Variants in SORCS1 observed in about 807,000 individuals in gnomAD.
SORCS1 encodes the protein sortilin related VPS10 domain containing receptor 1, also known as VPS10 domain-containing receptor SorCS1.
A neutral mutation model predicts 146.1 loss-of-function variants in SORCS1; 60 were observed. The observed-to-expected ratio is 0.41, with a 90% CI of 0.33 to 0.51. The LOEUF is 0.51. SORCS1 is among the 20% of genes least tolerant of loss of function. The pLI is 0.21. For synonymous variants in SORCS1, 637 were observed against 584.0 expected, an observed-to-expected ratio of 1.09 and a Z score of -1.31; for missense variants, 1,352 against 1,487.6, an observed-to-expected ratio of 0.91 and a Z score of 1.50.
intron 5 of SORCS1, among the ~76,000 whole-genome samples, chr10:106,733,099 C>G (rs1409979908): frequency 7.4e-6 from 1 of 134,548 alleles, no homozygotes; most frequent in African/African-American, 2.9e-5. Flanking sequence ...CAAAGTGATA[C>G]TCCATTTCAA....
intron 1 of SORCS1, among the ~76,000 whole-genome samples, chr10:107,125,458 C>G (rs1966662302): frequency 6.6e-6 from 1 of 152,188 alleles, no homozygotes; most frequent in Non-Finnish European, 1.5e-5. Context: ...GGAAGGCTAT[C>G]TTAGAAATGT....
chr10:106,712,429 A>G (rs1348908246), intron 6 of SORCS1, among the ~76,000 whole-genome samples: 1 of 152,172 alleles, frequency 6.6e-6, no homozygotes, highest in Non-Finnish European at 1.5e-5. Context: ...GAACTTGGAT[A>G]AGAACTCGGA....
chr10:106,771,004 G>A (rs1413143686), intron 4 of SORCS1, among the ~76,000 whole-genome samples: 2 of 152,188 alleles, frequency 1.3e-5, no homozygotes, highest in African/African-American at 2.4e-5. Context: ...GGAGCTACCT[G>A]AAGAAGAGGT....
At chr10:107,134,519 G>A (rs1455821920) in intron 1 of SORCS1, among the ~76,000 whole-genome samples, 1 of 152,052 alleles carries the variant, frequency 6.6e-6, no homozygotes, top group Admixed American at 6.6e-5. Flanking sequence ...CGTGCCTATA[G>A]TCCCAGCTAC....
intron 2 of SORCS1, among the ~76,000 whole-genome samples, chr10:106,920,909 CT>C (rs964525153): frequency 2.0e-5 from 3 of 152,132 alleles, no homozygotes; most frequent in African/African-American, 7.2e-5. Context: ...ACCATGAGGC[CT>C]GCTTGTCCCT....
At chr10:107,039,695 T>C (rs1199776743) in intron 1 of SORCS1, among the ~76,000 whole-genome samples, 1 of 152,210 alleles carries the variant, frequency 6.6e-6, no homozygotes, top group Non-Finnish European at 1.5e-5. Context: ...ATCTGTTTTT[T>C]AAAGAGACTA....
At chr10:106,865,586 G>A (rs867952194) in intron 2 of SORCS1, among the ~76,000 whole-genome samples, 12 of 151,986 alleles carry the variant, frequency 7.9e-5, no homozygotes, top group East Asian at 7.8e-4. Flanking sequence ...TTAGCCAGGC[G>A]TGGCAGCGGG....
intron 1 of SORCS1, among the ~76,000 whole-genome samples, chr10:107,144,913 G>C (rs1968178852): frequency 6.6e-6 from 1 of 152,178 alleles, no homozygotes; most frequent in Non-Finnish European, 1.5e-5. Context: ...ACATCACGCT[G>C]TTAAAAAGGG....
chr10:107,083,423 G>A (rs1363868795), intron 1 of SORCS1, among the ~76,000 whole-genome samples: 1 of 151,956 alleles, frequency 6.6e-6, no homozygotes, highest in Non-Finnish European at 1.5e-5. Flanking sequence ...TTTATTGTCT[G>A]TTTGTATTGT....
chr10:106,963,466 G>A (rs1348087320), intron 1 of SORCS1, among the ~76,000 whole-genome samples: 1 of 152,082 alleles, frequency 6.6e-6, no homozygotes, highest in Non-Finnish European at 1.5e-5. Context: ...GGGAAAAGCA[G>A]CAAACTCACA....
intron 3 of SORCS1, among the ~76,000 whole-genome samples, chr10:106,794,348 T>A (rs1238034362): frequency 6.6e-6 from 1 of 152,122 alleles, no homozygotes; most frequent in Non-Finnish European, 1.5e-5. Context: ...GAAAAAAGCA[T>A]ACATTCTTAG....
intron 1 of SORCS1, among the ~76,000 whole-genome samples, chr10:107,124,576 C>T (rs1966596197): frequency 6.6e-6 from 1 of 152,076 alleles, no homozygotes; most frequent in Admixed American, 6.5e-5. Context: ...CAATTCTTCC[C>T]TGCAAACATT....
intron 1 of SORCS1, among the ~76,000 whole-genome samples, chr10:107,042,625 TTGAGACA>T (rs994263590): frequency 6.6e-6 from 1 of 151,810 alleles, no homozygotes; most frequent in Non-Finnish European, 1.5e-5. Context: ...TTTTTTTTTT[TTGAGACA>T]GAGTTTCACT....
At chr10:106,854,384 CT>C (rs1209642704) in intron 2 of SORCS1, among the ~76,000 whole-genome samples, 3 of 151,908 alleles carry the variant, frequency 2.0e-5, no homozygotes, top group African/African-American at 7.3e-5. Context: ...ATAGTTAGGG[CT>C]TGTTTTTCTC....
intron 19 of SORCS1, 89 bp downstream of exon 19, chr10:106,629,113 T>G (rs1268238371): frequency 8.6e-7 from 1 of 1,160,236 alleles, no homozygotes; most frequent in East Asian, 2.5e-5. Flanking sequence ...ATAACTAGTG[T>G]ACTTCTTCTA....
intron 1 of SORCS1, among the ~76,000 whole-genome samples, chr10:107,030,946 T>C (rs1190892991): frequency 6.6e-6 from 1 of 152,116 alleles, no homozygotes; most frequent in South Asian, 2.1e-4. Flanking sequence ...TCTTCTGCAA[T>C]TCACCCAAGT....
At chr10:107,021,955 A>G (rs932861) in intron 1 of SORCS1, among the ~76,000 whole-genome samples, 57,985 of 152,020 alleles carry the variant, frequency 0.38, 11,341 homozygotes, top group African/African-American at 0.46. Context: ...TGATATTGTC[A>G]CAAACATGGA....
upstream of SORCS1, among the ~76,000 whole-genome samples, chr10:107,168,322 T>C (rs963615567): frequency 4.6e-5 from 7 of 152,210 alleles, no homozygotes; most frequent in African/African-American, 1.7e-4. Context: ...AGAAATTTAT[T>C]CCACATTTTC....
At chr10:106,623,572 G>A (rs754964173) in intron 19 of SORCS1, among the ~76,000 whole-genome samples, 9 of 151,988 alleles carry the variant, frequency 5.9e-5, no homozygotes, top group African/African-American at 9.7e-5. Flanking sequence ...ATAAACCAGC[G>A]TAAGAACAAT....
Sources: gnomAD v4.1 joint callset for allele counts (sites outside exome capture counted in the v4.1 genomes callset) on GRCh38, gnomAD v4.1.1 for gene constraint, MANE v1.5 for transcripts, NCBI Gene and HGNC (gene_info 2026-07-23, HGNC 2026-07-21) for gene names.